Variants in URGCP observed in about 807,000 individuals in gnomAD.
URGCP encodes upregulator of cell proliferation, also known as up-regulator of cell proliferation.
A neutral mutation model predicts 24.6 loss-of-function variants in URGCP; 13 were observed. The observed-to-expected ratio is 0.53, with a 90% CI of 0.34 to 0.84. The LOEUF (loss-of-function observed/expected upper bound fraction) is 0.84. Ranked by LOEUF, URGCP falls within the 40% of genes least tolerant of loss-of-function variation. The pLI is 0.01. For missense variants in URGCP, 899 were observed against 1,194.3 expected (o/e 0.75, Z 3.64); for synonymous variants, 444 against 487.2 (o/e 0.91, Z 1.17).
rs528396887 is a variant in URGCP, at chr7:43,897,280, G to C, written c.14+9282C>G. ...TGTTAAGTGCTACAGAGAAAACAAG[G>C]CACAGGCCAAGGTCAGGTGTGCTGA... On this transcript the variant is annotated intron_variant, in intron 1 of 5. Transcript: ENST00000453200. 6.6e-5 allele frequency among the ~76,000 whole-genome samples: 10 copies of C among 152,332 alleles called. No homozygotes were observed. In the South Asian group the frequency reaches 2.1e-3, roughly 32 times the overall value.
chr7:43,911,210 G>A (rs1411734758), upstream of URGCP, among the ~76,000 whole-genome samples: 1 of 152,030 alleles, frequency 6.6e-6, no homozygotes, highest in Non-Finnish European at 1.5e-5. Flanking sequence ...AGACCAGTAG[G>A]GCCAACATGG....
intron 1 of URGCP, 186 bp downstream of exon 1, chr7:43,906,376 C>T (rs2095902769): frequency 2.5e-6 from 1 of 398,326 alleles, no homozygotes; most frequent in Non-Finnish European, 2.8e-6. Flanking sequence ...CCCACGCCCG[C>T]GCGGCCGGTC....
chr7:43,912,725 GTATT>G (rs1311955700), intron 1 of URGCP, among the ~76,000 whole-genome samples: 1 of 152,170 alleles, frequency 6.6e-6, no homozygotes, highest in East Asian at 1.9e-4. Flanking sequence ...TTCCTTTTAT[GTATT>G]TATTCTTTAA....
chr7:43,881,217 T>C lies in URGCP; in HGVS notation c.202+442A>G, dbSNP rs57280009. On this transcript the variant is annotated intron_variant, in intron 5 of 5. Transcript: ENST00000453200. The stretch of plus-strand genomic sequence containing the variant: ...ATGGGAAAAAGACAAAGAAAACACT[T>C]CTGCCCAGTGTGTGGCCCTTGGCAG... 0.022 allele frequency: 15,689 copies of C among 702,768 alleles called. 1,673 individuals carry two copies. In the African/African-American group the frequency reaches 0.24, roughly 11 times the overall value. 43.5% of individuals were successfully genotyped at this position (702,768 alleles called of 1,614,324 possible).
upstream of URGCP, chr7:43,926,524 C>A (rs762312888): frequency 2.0e-6 from 3 of 1,532,250 alleles, no homozygotes; most frequent in African/African-American, 1.4e-5. Context: ...TCCCCGGCAG[C>A]GGGGTAGGAT....
upstream of URGCP, chr7:43,926,556 G>A (rs936299248): frequency 1.3e-6 from 2 of 1,570,852 alleles, no homozygotes; most frequent in Middle Eastern, 1.7e-4. Context: ...GGATCCAGAA[G>A]GTACGCACTT....
chr7:43,884,435 G>A (rs771291648), intron 3 of URGCP, among the ~76,000 whole-genome samples: 13 of 152,140 alleles, frequency 8.5e-5, no homozygotes, highest in Admixed American at 8.5e-4. Context: ...GGGCTCACAC[G>A]GAACACAGGG....
intron 1 of URGCP, among the ~76,000 whole-genome samples, chr7:43,920,781 A>G (rs567762911): frequency 6.6e-6 from 1 of 152,278 alleles, no homozygotes; most frequent in Non-Finnish European, 1.5e-5. Context: ...ATTTTGGGAA[A>G]AACCTCTGTT....
upstream of URGCP, chr7:43,906,697 G>A (rs1012105133): frequency 2.9e-5 from 29 of 990,328 alleles, no homozygotes; most frequent in Non-Finnish European, 3.5e-5. Context: ...CAGGGGTGGA[G>A]GTGGGGTGAG....
rs1409062266 is a variant in URGCP at position 43,877,270 on chromosome 7, C to T, written c.2193G>A (p.Gln731=). ...TGAAGCCCTCAGCCACTGTGATGAG[C>T]TGCATGAAGGCCCCTCGAGGACCGC... ...KSCGPRGAFM[Q]LITVAEGFSQ... The change falls in exon 6 of 6, where the codon CAG becomes CAA. Residue 731 remains glutamine, a synonymous_variant. Coordinates refer to ENST00000453200, the MANE Select transcript of URGCP (RefSeq NM_001077663.3). 1 of 1,614,014 alleles carries T rather than the reference C, an allele frequency of 6.2e-7. No individual in the cohort carries two copies. The highest frequency in any genetic ancestry group is 8.5e-7 in the Non-Finnish European group (1 of 1,180,038).
At position 43,878,160 on chromosome 7, in the gene URGCP, C is replaced by T. The variant is rs368227707; in HGVS notation, c.1303G>A (p.Val435Ile). The change falls in exon 6 of 6, where the codon GTT (valine) becomes ATT (isoleucine). Residue 435 changes from valine to isoleucine, a missense_variant. Val to Ile is a conservative substitution (Grantham distance 29). Transcript: ENST00000453200. This position sits in a 1 kb window ranked among gnomAD's most constrained non-coding sequence, Gnocchi z 5.6. ...DSFVKRIRAI[V>I]GNVLRAPCRR... ...CAGGGTGCCCGCAGCACATTCCCAA[C>T]GATGGCCCGGATCCTCTTCACGAAG... 308 of 1,614,280 alleles carry T rather than the reference C, an allele frequency of 1.9e-4. 2 individuals carry two copies. In the South Asian group the frequency reaches 2.5e-3, roughly 13 times the overall value.
intron 3 of URGCP, among the ~76,000 whole-genome samples, chr7:43,887,107 T>C (rs573767270): frequency 2.0e-4 from 31 of 152,226 alleles, no homozygotes; most frequent in Non-Finnish European, 4.1e-4. Context: ...ATTGGGGTAA[T>C]GTGTTTCTGT....
chr7:43,879,307 C>A (rs757908291), intron 5 of URGCP, 47 bp from the exon 6 acceptor site: 3 of 1,545,452 alleles, frequency 1.9e-6, no homozygotes, highest in Non-Finnish European at 2.6e-6. Flanking sequence ...TGTTTCTGAG[C>A]TAGGGGCCAG....
At chr7:43,910,165 A>T (rs2095908453), upstream of URGCP, among the ~76,000 whole-genome samples, 1 of 152,154 alleles carries the variant, frequency 6.6e-6, no homozygotes, top group Non-Finnish European at 1.5e-5. Context: ...ACTTGAGGCC[A>T]GGAGTTCAAG....
At chr7:43,892,068 A>G (rs774529973) in intron 1 of URGCP, among the ~76,000 whole-genome samples, 3 of 151,956 alleles carry the variant, frequency 2.0e-5, no homozygotes, top group Non-Finnish European at 2.9e-5. Context: ...GGTATGAGCC[A>G]CTATTGCCCA....
In URGCP at chr7:43,876,561, G is replaced by A. The variant is rs1223054147; in HGVS notation, c.*106C>T. 4.8e-5 allele frequency: 61 copies of A among 1,260,074 alleles called. No homozygotes were observed. The highest frequency in any genetic ancestry group is 6.2e-5 in the Non-Finnish European group (56 of 903,156). 78.1% of individuals were successfully genotyped at this position (1,260,074 alleles called of 1,614,324 possible). ...TTTCCTCGTCTTCTCATGTCGATTG[G>A]GCACCAGCCATTCTCAGGCACCAGA... On this transcript the variant is annotated 3_prime_UTR_variant, in exon 6 of 6. Coordinates refer to ENST00000453200, the MANE Select transcript of URGCP (RefSeq NM_001077663.3).
In URGCP at chr7:43,876,572, T is replaced by A; in HGVS notation, c.*95A>T. ...TCTCATGTCGATTGGGCACCAGCCATTCTCAGGCACCAGAGCACAGCCCCA... is the reference window on the plus strand; with the variant it reads ...TCTCATGTCGATTGGGCACCAGCCAATCTCAGGCACCAGAGCACAGCCCCA... On this transcript the variant is annotated 3_prime_UTR_variant, in exon 6 of 6. Coordinates refer to ENST00000453200, the MANE Select transcript of URGCP (RefSeq NM_001077663.3). 7.3e-7 allele frequency: 1 copy of A among 1,367,704 alleles called. No individual in the cohort carries two copies. The highest frequency in any genetic ancestry group is 1.0e-6 in the Non-Finnish European group (1 of 997,778). 84.7% of individuals were successfully genotyped at this position (1,367,704 alleles called of 1,614,324 possible).
chr7:43,877,239 C>T lies in URGCP; in HGVS notation c.2224G>A (p.Asp742Asn). The stretch of plus-strand genomic sequence containing the variant: ...ACCAGGATGTGGTCACAGCCCAGGT[C>T]CTGGCTGAAGCCCTCAGCCACTGTG... The part of the protein sequence containing the change: ...LITVAEGFSQ[D>N]LGCDHILVID... Residue 742 changes from aspartate (D) to asparagine (N), a missense_variant, in exon 6 of 6, where the codon GAC (aspartate) becomes AAC (asparagine). By Grantham distance (23) the Asp-to-Asn change is conservative. Coordinates refer to ENST00000453200, the MANE Select transcript of URGCP (RefSeq NM_001077663.3). 6.2e-7 allele frequency: 1 copy of T among 1,614,134 alleles called. No individual in the cohort carries two copies. The highest frequency in any genetic ancestry group is 8.5e-7 in the Non-Finnish European group (1 of 1,180,008).
intron 1 of URGCP, among the ~76,000 whole-genome samples, chr7:43,913,605 T>C (rs1173828034): frequency 6.6e-6 from 1 of 152,200 alleles, no homozygotes; most frequent in Non-Finnish European, 1.5e-5. Flanking sequence ...CTGCTGATAA[T>C]CTTATTAAAG....
Sources: allele counts gnomAD v4.1 joint callset (sites outside exome capture counted in the v4.1 genomes callset), GRCh38; gene constraint gnomAD v4.1.1; non-coding constraint Gnocchi (gnomAD v3.1); transcripts MANE v1.5; gene names NCBI Gene and HGNC (gene_info 2026-07-23, HGNC 2026-07-21).